PAN3: variants seen among roughly 807,000 people sequenced by gnomAD.
The protein encoded by PAN3 is poly(A) specific ribonuclease subunit PAN3.
Under a neutral mutation model 96.2 loss-of-function variants are expected in PAN3, and 19 were observed. That is an observed-to-expected ratio of 0.20 (90% CI 0.14 to 0.29). PAN3 has a LOEUF of 0.29. Ranked by LOEUF, PAN3 falls within the 10% of genes least tolerant of loss-of-function variation. PAN3 has a pLI of 1.00. For missense variants in PAN3, 882 were observed against 1,108.1 expected (o/e 0.80, Z 2.90); for synonymous variants, 433 against 406.6 (o/e 1.06, Z -0.78).
At chr13:28,282,428 A>G (rs913130514) in intron 17 of PAN3, among the ~76,000 whole-genome samples, 12 of 151,908 alleles carry the variant, frequency 7.9e-5, no homozygotes, top group Non-Finnish European at 1.6e-4. Flanking sequence ...TAATTTTTCT[A>G]AGTGAAGAGA....
At chr13:28,200,450 T>G (rs1040746586) in intron 5 of PAN3, among the ~76,000 whole-genome samples, 2 of 152,220 alleles carry the variant, frequency 1.3e-5, no homozygotes, top group African/African-American at 4.8e-5. Context: ...AACAAGAAAC[T>G]TAACAAAACC....
At chr13:28,202,494 G>A (rs13378523) in intron 5 of PAN3, among the ~76,000 whole-genome samples, 60,005 of 151,858 alleles carry the variant, frequency 0.4, 13,512 homozygotes, top group African/African-American at 0.63. Context: ...ACCATATGAG[G>A]TCTTTTATGT....
intron 5 of PAN3, among the ~76,000 whole-genome samples, chr13:28,198,351 A>T (rs1878317560): frequency 6.6e-6 from 1 of 152,134 alleles, no homozygotes; most frequent in East Asian, 1.9e-4. Context: ...TGGAAATCTG[A>T]AGAACAAGAT....
intron 5 of PAN3, among the ~76,000 whole-genome samples, chr13:28,199,231 G>T (rs9554284): frequency 0.057 from 8,718 of 152,188 alleles, 489 homozygotes; most frequent in East Asian, 0.32. Context: ...ATTACTTGTA[G>T]GTTGTGGGGG....
At chr13:28,270,945 T>G in intron 13 of PAN3, 79 bp downstream of exon 13, 2 of 1,350,404 alleles carry the variant, frequency 1.5e-6, no homozygotes, top group Non-Finnish European at 2.0e-6. Flanking sequence ...ATGATTGTTT[T>G]AATTCTGCCT....
chr13:28,156,188 GA>G (rs1453293483), intron 1 of PAN3, among the ~76,000 whole-genome samples: 2 of 122,302 alleles, frequency 1.6e-5, no homozygotes, highest in Non-Finnish European at 4.0e-5. Context: ...ACAGAAAAAA[GA>G]AGATCCAAAT....
chr13:28,294,889 A>C lies in PAN3; in HGVS notation c.*2367A>C, dbSNP rs1380859819. On this transcript the variant is annotated 3_prime_UTR_variant, in exon 19 of 19. Transcript: ENST00000380958. ...TGGGAATGGTTTTCAAAGAACTCTC[A>C]GTTCTGCCTAGGTGTTTTTGGGGGA... 1 of 152,182 alleles carries C rather than the reference A, an allele frequency of 6.6e-6. No homozygotes were observed. The highest frequency in any genetic ancestry group is 3.2e-3 in the Middle Eastern group (1 of 316). The allele number at this position is 152,182 out of a possible 1,614,324, so 9.4% of individuals were successfully genotyped here. A position where few individuals can be genotyped will look rare whatever the true frequency, so the allele number is the denominator to read the frequency against.
At chr13:28,152,541 G>T (rs767278076) in intron 1 of PAN3, among the ~76,000 whole-genome samples, 4 of 151,738 alleles carry the variant, frequency 2.6e-5, no homozygotes, top group African/African-American at 4.8e-5. Context: ...CCGAGATGGC[G>T]CTATTGCACT....
chr13:28,171,883 G>C (rs1874353366), intron 1 of PAN3, among the ~76,000 whole-genome samples: 2 of 152,058 alleles, frequency 1.3e-5, no homozygotes, highest in South Asian at 4.1e-4. Context: ...TCTGGTGAAC[G>C]GCTCCCATCT....
intron 5 of PAN3, among the ~76,000 whole-genome samples, chr13:28,211,132 C>T (rs1171805173): frequency 6.6e-6 from 1 of 152,056 alleles, no homozygotes; most frequent in African/African-American, 2.4e-5. Context: ...GACTCTTGGC[C>T]TTGAGCAGTC....
rs558774180 is a variant in PAN3 at position 28,250,300 on chromosome 13, A to G, written c.1001-5992A>G. ...CCATTTTCCTCCCTGGGCTCCAGCA[A>G]TCCTTCCACCTCAGCCTCTTGAGTA... On this transcript the variant is annotated intron_variant, in intron 6 of 18. Coordinates refer to ENST00000380958, the MANE Select transcript of PAN3 (RefSeq NM_175854.8). Among the ~76,000 whole-genome samples, 10 of 152,110 alleles carry G rather than the reference A, an allele frequency of 6.6e-5. No homozygotes were observed. The Middle Eastern group carries it at 0.01, about 155-fold the overall frequency.
chr13:28,218,510 G>T (rs901956343), intron 5 of PAN3, among the ~76,000 whole-genome samples: 1 of 152,074 alleles, frequency 6.6e-6, no homozygotes, highest in Non-Finnish European at 1.5e-5. Context: ...GGCATCCGTG[G>T]TTATTGAATC....
At chr13:28,227,678 G>A (rs915186253) in intron 6 of PAN3, among the ~76,000 whole-genome samples, 11 of 152,194 alleles carry the variant, frequency 7.2e-5, no homozygotes, top group Non-Finnish European at 1.0e-4. Context: ...GAAATCTGTA[G>A]AAGCATAGAG....
At chr13:28,253,772 G>A (rs973062364) in intron 6 of PAN3, among the ~76,000 whole-genome samples, 5 of 151,910 alleles carry the variant, frequency 3.3e-5, no homozygotes, top group Non-Finnish European at 7.4e-5. Flanking sequence ...ACTGCACTCA[G>A]CTTACATTTG....
At chr13:28,270,987 AACTT>A in intron 13 of PAN3, 121 bp downstream of exon 13, 1 of 1,045,034 alleles carries the variant, frequency 9.6e-7, no homozygotes, top group Non-Finnish European at 1.4e-6. Context: ...GAACTTCTGT[AACTT>A]TGAATTCATT....
At chr13:28,256,006 C>T (rs1345795235) in intron 6 of PAN3, among the ~76,000 whole-genome samples, 1 of 152,050 alleles carries the variant, frequency 6.6e-6, no homozygotes, top group Non-Finnish European at 1.5e-5. Context: ...TTTGGTCACT[C>T]TTGCTATTAA....
chr13:28,270,181 A>T (rs1886496184), intron 12 of PAN3, among the ~76,000 whole-genome samples: 1 of 152,244 alleles, frequency 6.6e-6, no homozygotes. Flanking sequence ...ATATTATCAA[A>T]AACCACTTAA....
chr13:28,208,974 A>G (rs536681351), intron 5 of PAN3, among the ~76,000 whole-genome samples: 76 of 152,310 alleles, frequency 5.0e-4, no homozygotes, highest in African/African-American at 1.6e-3. Context: ...GGTTCTAGCA[A>G]CAACCTCCTC....
chr13:28,192,423 C>G (rs1170877004), intron 4 of PAN3, among the ~76,000 whole-genome samples: 1 of 152,218 alleles, frequency 6.6e-6, no homozygotes, highest in Admixed American at 6.5e-5. Flanking sequence ...ACTTCACCTT[C>G]TGCTAATGGT....
Sources: allele counts gnomAD v4.1 joint callset (sites outside exome capture counted in the v4.1 genomes callset), GRCh38; gene constraint gnomAD v4.1.1; transcripts MANE v1.5; gene names NCBI Gene and HGNC (gene_info 2026-07-23, HGNC 2026-07-21).